GAB1: variants seen among roughly 807,000 people sequenced by gnomAD.
GAB1 encodes the protein GRB2 associated binding protein 1.
A neutral mutation model predicts 66.5 loss-of-function variants in GAB1; 19 were observed. The ratio of observed to expected loss-of-function variants is 0.29; its 90% CI spans 0.20 to 0.42. The LOEUF (loss-of-function observed/expected upper bound fraction) is 0.42, where lower values mean the gene tolerates loss of function less well. GAB1 is among the 10% of genes least tolerant of loss of function. GAB1 has a pLI of 1.00. For synonymous variants in GAB1, 294 were observed against 301.4 expected (o/e 0.98, Z 0.25); for missense variants, 732 against 858.5 (o/e 0.85, Z 1.84).
At chr4:143,372,152 C>G (rs894318107) in intron 1 of GAB1, among the ~76,000 whole-genome samples, 4 of 151,494 alleles carry the variant, frequency 2.6e-5, no homozygotes, top group African/African-American at 9.8e-5. Context: ...TGGTGAAACC[C>G]CATCTCAGTT....
intron 1 of GAB1, among the ~76,000 whole-genome samples, chr4:143,393,574 A>T (rs1000884038): frequency 6.6e-6 from 1 of 152,356 alleles, no homozygotes; most frequent in African/African-American, 2.4e-5. Context: ...CTGGTACTTA[A>T]TGAGTATTCA....
chr4:143,385,385 G>A (rs1730852207), intron 1 of GAB1, among the ~76,000 whole-genome samples: 1 of 152,138 alleles, frequency 6.6e-6, no homozygotes, highest in Non-Finnish European at 1.5e-5. Flanking sequence ...CTCATGTACT[G>A]AGCTAAACTC....
intron 1 of GAB1, chr4:143,343,660 G>A (rs1728896866): frequency 6.5e-6 from 1 of 154,830 alleles, no homozygotes; most frequent in Admixed American, 6.5e-5. Flanking sequence ...CCAAATGAAA[G>A]TTTAGAGTGA....
intron 2 of GAB1, among the ~76,000 whole-genome samples, chr4:143,431,750 TC>T (rs1340608584): frequency 6.6e-6 from 1 of 152,132 alleles, no homozygotes; most frequent in African/African-American, 2.4e-5. Context: ...AGGTCACACT[TC>T]CAAGGACGTA....
rs575155546 is a variant in GAB1 at position 143,420,519 on chromosome 4, CTG to C, written c.367+4755_367+4756del. Among the ~76,000 whole-genome samples, 232 of 152,188 alleles carry C rather than the reference CTG, an allele frequency of 1.5e-3. 1 individual carries two copies. The highest frequency in any genetic ancestry group is 5.2e-3 in the African/African-American group (218 of 41,564). On this transcript the variant is annotated intron_variant, in intron 2 of 9. Transcript: ENST00000262994. Reference sequence around the variant, plus strand: ...TGTTTTTAAGTCCTAGCTCATTAAACTGTGTGTGGTTCCTATGAATGCTTTTC... The same window carrying C: ...TGTTTTTAAGTCCTAGCTCATTAAACTGTGTGGTTCCTATGAATGCTTTTC...
intron 2 of GAB1, among the ~76,000 whole-genome samples, chr4:143,418,764 G>A (rs1487676954): frequency 1.3e-5 from 2 of 152,150 alleles, no homozygotes; most frequent in Non-Finnish European, 2.9e-5. Flanking sequence ...CTTCAGTCAA[G>A]GAATATGAGT....
chr4:143,341,650 C>T (rs888454763), intron 1 of GAB1, among the ~76,000 whole-genome samples: 9 of 152,248 alleles, frequency 5.9e-5, no homozygotes, highest in African/African-American at 1.9e-4. Flanking sequence ...GTCTGCTCTG[C>T]AGCTGTCAAT....
chr4:143,412,802 A>G (rs1170830662), intron 1 of GAB1, among the ~76,000 whole-genome samples: 1 of 152,188 alleles, frequency 6.6e-6, no homozygotes, highest in Non-Finnish European at 1.5e-5. Context: ...TTAGCCTCCT[A>G]TAAACCCTAT....
intron 1 of GAB1, among the ~76,000 whole-genome samples, chr4:143,379,844 C>CA (rs1730581927): frequency 6.6e-6 from 1 of 151,816 alleles, no homozygotes; most frequent in Admixed American, 6.6e-5. Flanking sequence ...CTTGGCCTCT[C>CA]AAAGTGCTGG....
Position 143,340,614 on chromosome 4 carries a change from A to G in GAB1, c.72+3354A>G, listed in dbSNP as rs201731126. ...CAACCTCTGCCTCCCAGATACAAGC[A>G]GTTCTTCTGCCTCAGCCTCCCCAGT... On this transcript the variant is annotated intron_variant, in intron 1 of 9. Coordinates refer to ENST00000262994, the MANE Select transcript of GAB1 (RefSeq NM_002039.4). Among the ~76,000 whole-genome samples, 54 of 152,196 alleles carry G rather than the reference A, an allele frequency of 3.5e-4. 1 individual carries two copies. The East Asian group carries it at 0.01, about 29-fold the overall frequency.
intron 8 of GAB1, among the ~76,000 whole-genome samples, chr4:143,465,165 T>C (rs562796727): frequency 2.6e-5 from 4 of 152,212 alleles, no homozygotes; most frequent in East Asian, 3.9e-4. Flanking sequence ...ACATGTATAA[T>C]AGAACCCTGT....
At position 143,446,429 on chromosome 4, in the gene GAB1, A is replaced by G. The variant is rs1333075895; in HGVS notation, c.1585+6047A>G. Among the ~76,000 whole-genome samples the G allele has an allele frequency of 4.0e-3, 610 of 151,254 alleles. 6 individuals are homozygous for G. The highest frequency in any genetic ancestry group is 0.014 in the African/African-American group (579 of 41,374). On this transcript the variant is annotated intron_variant, in intron 6 of 9. Transcript: ENST00000262994. The stretch of plus-strand genomic sequence containing the variant: ...CCACCAACAGTGTAAAAGTGTTCCT[A>G]TTTCTCCACATCCTCTCCAGCACCT...
chr4:143,411,908 G>T (rs2149713151), intron 1 of GAB1, among the ~76,000 whole-genome samples: 1 of 152,252 alleles, frequency 6.6e-6, no homozygotes, highest in African/African-American at 2.4e-5. Context: ...TTGTGACTGA[G>T]ACAAACATTC....
intron 1 of GAB1, among the ~76,000 whole-genome samples, chr4:143,394,257 G>A: frequency 6.8e-6 from 1 of 146,186 alleles, no homozygotes; most frequent in South Asian, 2.1e-4. Flanking sequence ...CAGCCTGGGG[G>A]ACAGAGTGAG....
chr4:143,439,748 C>T, intron 4 of GAB1, 54 bp from the exon 5 acceptor site: 1 of 1,250,498 alleles, frequency 8.0e-7, no homozygotes, highest in Non-Finnish European at 1.2e-6. Flanking sequence ...TCCCAATGAC[C>T]CTGAGAGCTG....
intron 2 of GAB1, chr4:143,425,425 G>A (rs560736051): frequency 2.4e-5 from 18 of 759,298 alleles, no homozygotes; most frequent in Middle Eastern, 6.5e-4. Flanking sequence ...CTGACCCCAG[G>A]GCTGAAGACC....
At chr4:143,453,664 G>A (rs570497554) in intron 6 of GAB1, among the ~76,000 whole-genome samples, 17 of 152,250 alleles carry the variant, frequency 1.1e-4, no homozygotes, top group Middle Eastern at 6.8e-3. Context: ...GTATACAAAA[G>A]CAACGCAATA....
chr4:143,373,549 C>T (rs2149668997), intron 1 of GAB1, among the ~76,000 whole-genome samples: 1 of 152,212 alleles, frequency 6.6e-6, no homozygotes, highest in Non-Finnish European at 1.5e-5. Context: ...ATACTAGAAG[C>T]CAGGCTTGGT....
chr4:143,393,063 G>A (rs941978408), intron 1 of GAB1, among the ~76,000 whole-genome samples: 1 of 151,982 alleles, frequency 6.6e-6, no homozygotes, highest in Non-Finnish European at 1.5e-5. Context: ...GCTGTAAGCT[G>A]CTTACATTGA....
Sources: allele counts gnomAD v4.1 joint callset (sites outside exome capture counted in the v4.1 genomes callset), GRCh38; gene constraint gnomAD v4.1.1; transcripts MANE v1.5; gene names NCBI Gene and HGNC (gene_info 2026-07-23, HGNC 2026-07-21).